The following KLHL22 variants were observed in gnomAD, a reference collection of about 807,000 sequenced individuals.
KLHL22 encodes the protein kelch-like protein 22.
In KLHL22, 18 loss-of-function variants were observed where a neutral mutation model predicts 60.7. The observed-to-expected ratio is 0.30, with a 90% CI of 0.20 to 0.44. The LOEUF (loss-of-function observed/expected upper bound fraction) is 0.44. Ranked by LOEUF, KLHL22 falls within the 20% of genes least tolerant of loss-of-function variation. The probability of loss-of-function intolerance (pLI) is 1.00; values close to 1 mark genes in which losing one functional copy is unlikely to be tolerated. For missense variants in KLHL22, 596 were observed against 852.3 expected, an observed-to-expected ratio of 0.70 and a Z score of 3.74; for synonymous variants, 355 against 354.5, an observed-to-expected ratio of 1.00 and a Z score of -0.01.
Position 20,450,483 on chromosome 22 carries a change from C to T in KLHL22, c.1306-3807G>A, listed in dbSNP as rs2052959529. On this transcript the variant is annotated intron_variant, in intron 5 of 6. Coordinates refer to ENST00000328879, the MANE Select transcript of KLHL22 (RefSeq NM_032775.4). Reference sequence around the variant, plus strand: ...AGTTGAAAGGTGTGAAACAAGCCTGCTGTGAGTTCTTAGAAAGTCAGTTGG... The same window carrying T: ...AGTTGAAAGGTGTGAAACAAGCCTGTTGTGAGTTCTTAGAAAGTCAGTTGG... 2.5e-6 allele frequency: 4 copies of T among 1,613,616 alleles called. No homozygotes were observed. In the Admixed American group the frequency reaches 6.7e-5, roughly 27 times the overall value.
intron 1 of KLHL22, chr22:20,491,263 A>C (rs1446880610): frequency 6.6e-6 from 1 of 152,214 alleles, no homozygotes. Flanking sequence ...CCAGTCATTC[A>C]GAATTTTTAT....
intron 4 of KLHL22, 66 bp from the exon 5 acceptor site, chr22:20,458,066 C>T (rs1384654582): frequency 3.2e-6 from 5 of 1,553,304 alleles, no homozygotes; most frequent in Non-Finnish European, 2.6e-6. Flanking sequence ...AGGCTTGCAC[C>T]TCTTGTTCTG....
At chr22:20,489,364 C>T (rs1415216782) in intron 1 of KLHL22, 120 bp from the exon 2 acceptor site, 9 of 709,886 alleles carry the variant, frequency 1.3e-5, no homozygotes, top group Non-Finnish European at 2.2e-5. Flanking sequence ...CACCTGTTTT[C>T]CCTCTATTTC....
chr22:20,468,125 G>T (rs1006091764), intron 3 of KLHL22, among the ~76,000 whole-genome samples: 8 of 152,212 alleles, frequency 5.3e-5, no homozygotes, highest in African/African-American at 1.9e-4. Context: ...GCTAGGCCCT[G>T]ACCAGCTTCA....
At chr22:20,485,359 G>T (rs573501141) in intron 2 of KLHL22, among the ~76,000 whole-genome samples, 2 of 152,306 alleles carry the variant, frequency 1.3e-5, no homozygotes, top group South Asian at 4.1e-4. Flanking sequence ...GTCAAAAAAA[G>T]AAAATGCAGT....
Position 20,484,057 on chromosome 22 carries a change from C to T in KLHL22, c.227+4928G>A. The T allele has an allele frequency of 3.1e-6, 3 of 971,426 alleles. No homozygotes were observed. In the South Asian group the frequency reaches 3.8e-5, roughly 12 times the overall value. 60.2% of individuals were successfully genotyped at this position (971,426 alleles called of 1,614,324 possible). On this transcript the variant is annotated intron_variant, in intron 2 of 6. Transcript: ENST00000328879. ...CCATAGCTGGGAGCCTGGACAGAGC[C>T]CAGGGACCAGTAGTTGGTGGAGAAG...
chr22:20,482,359 C>A (rs2053516540), intron 2 of KLHL22: 1 of 158,688 alleles, frequency 6.3e-6, no homozygotes, highest in Admixed American at 6.1e-5. Flanking sequence ...TGGCATGTAA[C>A]TAGTAAGACA....
intron 2 of KLHL22, among the ~76,000 whole-genome samples, chr22:20,486,166 C>CAAAAAAAA (rs200248872): frequency 1.2e-5 from 1 of 82,624 alleles, no homozygotes; most frequent in South Asian, 4.7e-4. Flanking sequence ...GATTCCGTCT[C>CAAAAAAAA]AAAAAAAAAA....
At chr22:20,474,358 C>G (rs958786305) in intron 2 of KLHL22, among the ~76,000 whole-genome samples, 2 of 152,036 alleles carry the variant, frequency 1.3e-5, no homozygotes, top group Non-Finnish European at 2.9e-5. Flanking sequence ...GCAAGACTGC[C>G]TCACTCTTTG....
At chr22:20,477,903 T>C (rs5749656) in intron 2 of KLHL22, among the ~76,000 whole-genome samples, 10,771 of 152,248 alleles carry the variant, frequency 0.071, 856 homozygotes, top group East Asian at 0.46. Flanking sequence ...AATTTTCTTA[T>C]ATCATGATAG....
chr22:20,464,353 C>A (rs1470570450), intron 4 of KLHL22, among the ~76,000 whole-genome samples: 1 of 152,180 alleles, frequency 6.6e-6, no homozygotes, highest in Non-Finnish European at 1.5e-5. Flanking sequence ...CCGCATGCTG[C>A]TCAGGCACAG....
intron 1 of KLHL22, chr22:20,493,071 G>C: frequency 2.2e-6 from 1 of 459,124 alleles, no homozygotes; most frequent in Non-Finnish European, 4.5e-6. Flanking sequence ...CCACCGCAGA[G>C]TCAAGAGGGC....
At chr22:20,451,595 A>G in intron 5 of KLHL22, 1 of 1,596,530 alleles carries the variant, frequency 6.3e-7, no homozygotes, top group Non-Finnish European at 8.6e-7. Flanking sequence ...GTTGAAGCAT[A>G]CAACATTCGC....
At chr22:20,473,744 A>AGG in intron 2 of KLHL22, among the ~76,000 whole-genome samples, 1 of 152,046 alleles carries the variant, frequency 6.6e-6, no homozygotes, top group African/African-American at 2.4e-5. Context: ...TCATGGTGGC[A>AGG]CATGCCTGTA....
In KLHL22 at chr22:20,446,512, G is replaced by A; in HGVS notation, c.1470C>T (p.Thr490=). 1.2e-6 allele frequency: 2 copies of A among 1,613,388 alleles called. No homozygotes were observed. The highest frequency in any genetic ancestry group is 8.5e-7 in the Non-Finnish European group (1 of 1,180,030). The change falls in exon 6 of 7, where the codon ACC becomes ACT. Residue 490 remains threonine (T), a synonymous_variant. Coordinates refer to ENST00000328879, the MANE Select transcript of KLHL22 (RefSeq NM_032775.4). ...PVRRAWHGMA[T]LLNKLYVIGG... ...CGATCACATACAGCTTGTTGAGGAG[G>A]GTTGCCATGCCGTGCCAGGCGCGCC...
chr22:20,474,341 C>T (rs2053374724), intron 2 of KLHL22, among the ~76,000 whole-genome samples: 1 of 152,008 alleles, frequency 6.6e-6, no homozygotes, highest in Admixed American at 6.6e-5. Context: ...GATCCATGCC[C>T]ATGTACGCAA....
Position 20,450,210 on chromosome 22 carries a change from A to C in KLHL22, c.1306-3534T>G, listed in dbSNP as rs16988440. On this transcript the variant is annotated intron_variant, in intron 5 of 6. Transcript: ENST00000328879. ...TCAATGAACTCCGTTGGGAAGAGCA[A>C]TACCTTCTGTGATGTGACATTGAGT... The C allele has an allele frequency of 3.7e-6, 3 of 809,454 alleles. No homozygotes were observed. The East Asian group carries it at 7.3e-5, about 20-fold the overall frequency. 50.1% of individuals were successfully genotyped at this position (809,454 alleles called of 1,614,324 possible).
chr22:20,458,107 T>C (rs938486133), intron 4 of KLHL22, 107 bp from the exon 5 acceptor site: 9 of 1,249,890 alleles, frequency 7.2e-6, no homozygotes, highest in Non-Finnish European at 1.0e-5. Context: ...CAGCCCAGCC[T>C]GAACCCTCCC....
At chr22:20,454,832 C>T (rs761430912) in intron 5 of KLHL22, among the ~76,000 whole-genome samples, 1 of 152,062 alleles carries the variant, frequency 6.6e-6, no homozygotes, top group Non-Finnish European at 1.5e-5. Flanking sequence ...TTTCTTTCAT[C>T]GGCTTTTTGT....
Sources: gnomAD v4.1 joint callset for allele counts (sites outside exome capture counted in the v4.1 genomes callset) on GRCh38, gnomAD v4.1.1 for gene constraint, MANE v1.5 for transcripts, NCBI Gene and HGNC (gene_info 2026-07-23, HGNC 2026-07-21) for gene names.